The following PRDM5 variants were observed in gnomAD, a reference collection of about 807,000 sequenced individuals.
PRDM5 encodes the protein PR/SET domain 5.
Under a neutral mutation model 81.2 loss-of-function variants are expected in PRDM5, and 56 were observed. That is an observed-to-expected ratio of 0.69 (90% CI 0.56 to 0.86). The LOEUF (loss-of-function observed/expected upper bound fraction) is 0.86. Among genes scored for constraint, PRDM5 ranks in the 40% least tolerant of loss-of-function variants. The pLI, the probability that PRDM5 is intolerant of heterozygous loss-of-function variation, is 0.00. For missense variants in PRDM5, 697 were observed against 770.1 expected, an observed-to-expected ratio of 0.91 and a Z score of 1.12; for synonymous variants, 267 against 256.4, an observed-to-expected ratio of 1.04 and a Z score of -0.39.
At chr4:120,699,161 A>AATATAAATATATATATAT (rs1286927101) in intron 15 of PRDM5, among the ~76,000 whole-genome samples, 2 of 73,480 alleles carry the variant, frequency 2.7e-5, no homozygotes, top group Non-Finnish European at 5.7e-5. Context: ...AGGAAATATA[A>AATATAAATATATATATAT]ATATATATAT....
chr4:120,788,502 A>G (rs1750090073), intron 10 of PRDM5, among the ~76,000 whole-genome samples: 1 of 152,238 alleles, frequency 6.6e-6, no homozygotes, highest in Admixed American at 6.5e-5. Context: ...CAATAAGTAG[A>G]CAGCATTATC....
rs146228268 is a variant in PRDM5, at chr4:120,821,304, T to C, written c.342A>G (p.Glu114=). 1 of 1,613,988 alleles carries C rather than the reference T, an allele frequency of 6.2e-7. No individual in the cohort carries two copies. The highest frequency in any genetic ancestry group is 1.3e-5 in the African/African-American group (1 of 74,924). The change falls in exon 4 of 16, where the codon GAA becomes GAG. Residue 114 remains glutamate, a synonymous_variant. Transcript: ENST00000264808. ...AGCCAATCAGAAGCTCCGTGTCTGTTTCTATATCTTCAACTGCCAAATAGA... is the reference window on the plus strand; with the variant it reads ...AGCCAATCAGAAGCTCCGTGTCTGTCTCTATATCTTCAACTGCCAAATAGA... ...NIFYLAVEDI[E]TDTELLIGYL...
intron 2 of PRDM5, chr4:120,896,695 T>C (rs952050656): frequency 5.3e-5 from 8 of 150,470 alleles, no homozygotes; most frequent in Non-Finnish European, 1.0e-4. Context: ...ACACATAATT[T>C]TTTTTTTAGA....
chr4:120,909,020 G>A (rs550298172), intron 1 of PRDM5, among the ~76,000 whole-genome samples: 20 of 152,274 alleles, frequency 1.3e-4, no homozygotes, highest in African/African-American at 4.6e-4. Context: ...CAAGAACAGG[G>A]GAGAAGAGTT....
At chr4:120,750,405 G>T (rs999719976) in intron 14 of PRDM5, among the ~76,000 whole-genome samples, 1 of 152,170 alleles carries the variant, frequency 6.6e-6, no homozygotes, top group Admixed American at 6.5e-5. Flanking sequence ...AGAGAAACAT[G>T]TTCTGTGGCA....
intron 9 of PRDM5, among the ~76,000 whole-genome samples, chr4:120,798,777 C>T (rs3804174): frequency 0.3 from 45,162 of 151,776 alleles, 6,793 homozygotes; most frequent in East Asian, 0.37. Flanking sequence ...GAGATGGAGA[C>T]AAAGAACAGA....
At chr4:120,797,567 A>C (rs2149280831) in intron 10 of PRDM5, among the ~76,000 whole-genome samples, 1 of 152,306 alleles carries the variant, frequency 6.6e-6, no homozygotes, top group Non-Finnish European at 1.5e-5. Context: ...AATACTGAAT[A>C]AAGAGACTAG....
At chr4:120,714,642 T>C (rs1737488305) in intron 14 of PRDM5, among the ~76,000 whole-genome samples, 1 of 152,186 alleles carries the variant, frequency 6.6e-6, no homozygotes. Context: ...TCTAGTTCTC[T>C]TTTTTGTGGT....
intron 2 of PRDM5, among the ~76,000 whole-genome samples, chr4:120,877,085 A>C (rs1169341118): frequency 6.6e-6 from 1 of 152,208 alleles, no homozygotes; most frequent in East Asian, 1.9e-4. Flanking sequence ...AGAAGGATAA[A>C]GACTAACTTG....
intron 8 of PRDM5, among the ~76,000 whole-genome samples, chr4:120,809,422 AT>A (rs1753522652): frequency 6.6e-6 from 1 of 152,202 alleles, no homozygotes; most frequent in Non-Finnish European, 1.5e-5. Flanking sequence ...AAACAAAAAA[AT>A]GCTTAATAAA....
At chr4:120,686,378 T>C (rs1353641990) in intron 1 of PRDM5, among the ~76,000 whole-genome samples, 1 of 152,152 alleles carries the variant, frequency 6.6e-6, no homozygotes, top group African/African-American at 2.4e-5. Context: ...AACTAAATTT[T>C]AAAATTGATG....
intron 2 of PRDM5, among the ~76,000 whole-genome samples, chr4:120,882,400 G>A (rs948225259): frequency 6.6e-6 from 1 of 151,992 alleles, no homozygotes; most frequent in Non-Finnish European, 1.5e-5. Context: ...CACATGCCTC[G>A]GCCTCCCAAA....
Position 120,692,197 on chromosome 4 carries a change from G to A in PRDM5, c.*2914C>T, listed in dbSNP as rs989210643. ...CCTTTCATGCTTTTGTTTGAGAAAGGAAGCAGCACATAAAATCTAAAACAG... is the reference window on the plus strand; with the variant it reads ...CCTTTCATGCTTTTGTTTGAGAAAGAAAGCAGCACATAAAATCTAAAACAG... On this transcript the variant is annotated 3_prime_UTR_variant, in exon 16 of 16. Coordinates refer to ENST00000264808, the MANE Select transcript of PRDM5 (RefSeq NM_018699.4). The A allele has an allele frequency of 6.6e-6, 1 of 151,968 alleles. No individual in the cohort carries two copies. The highest frequency in any genetic ancestry group is 6.6e-5 in the Admixed American group (1 of 15,212). The allele number at this position is 151,968 out of a possible 1,614,324, so 9.4% of individuals were successfully genotyped here.
chr4:120,893,986 TAA>T (rs1199058141), intron 2 of PRDM5, among the ~76,000 whole-genome samples: 1 of 152,346 alleles, frequency 6.6e-6, no homozygotes, highest in East Asian at 1.9e-4. Flanking sequence ...ATTAATAGTA[TAA>T]GTCTTTAAAT....
At chr4:120,774,020 A>G (rs1343864038) in intron 13 of PRDM5, among the ~76,000 whole-genome samples, 1 of 152,228 alleles carries the variant, frequency 6.6e-6, no homozygotes, top group Non-Finnish European at 1.5e-5. Context: ...ACAAGTAAAC[A>G]TTTTTAAATT....
intron 13 of PRDM5, among the ~76,000 whole-genome samples, chr4:120,775,937 A>G (rs1748084151): frequency 6.6e-6 from 1 of 152,090 alleles, no homozygotes; most frequent in Non-Finnish European, 1.5e-5. Flanking sequence ...CCTCTTCATT[A>G]GTTCCTTACT....
chr4:120,764,034 T>C (rs1020048128), intron 13 of PRDM5, among the ~76,000 whole-genome samples: 1 of 151,648 alleles, frequency 6.6e-6, no homozygotes, highest in Non-Finnish European at 1.5e-5. Context: ...GGAAAAATGG[T>C]AGCAACAGCA....
chr4:120,854,835 G>C (rs1759687940), intron 2 of PRDM5, among the ~76,000 whole-genome samples: 1 of 152,070 alleles, frequency 6.6e-6, no homozygotes, highest in Non-Finnish European at 1.5e-5. Flanking sequence ...GAACAGGCCA[G>C]TAGAGAGCTA....
At chr4:120,879,700 T>C (rs917492988) in intron 2 of PRDM5, among the ~76,000 whole-genome samples, 10 of 152,172 alleles carry the variant, frequency 6.6e-5, no homozygotes, top group African/African-American at 2.2e-4. Flanking sequence ...AGTAGGCTAT[T>C]AGTAGTTAAG....
Sources: allele counts gnomAD v4.1 joint callset (sites outside exome capture counted in the v4.1 genomes callset), GRCh38; gene constraint gnomAD v4.1.1; transcripts MANE v1.5; gene names NCBI Gene and HGNC (gene_info 2026-07-23, HGNC 2026-07-21).